Variants in RRAS2 observed in about 807,000 individuals in gnomAD.
RRAS2 encodes the protein RAS related 2, also known as ras-related protein R-Ras2.
In RRAS2, 7 loss-of-function variants were observed where a neutral mutation model predicts 27.6. The observed-to-expected ratio is 0.25, with a 90% CI of 0.14 to 0.48. RRAS2 has a LOEUF of 0.48. Among genes scored for constraint, RRAS2 ranks in the 20% least tolerant of loss-of-function variants. RRAS2 has a pLI of 0.99. For synonymous variants in RRAS2, 86 were observed against 90.9 expected, an observed-to-expected ratio of 0.95 and a Z score of 0.31; for missense variants, 178 against 256.2, an observed-to-expected ratio of 0.69 and a Z score of 2.08.
chr11:14,290,149 A>T (rs1185580065), intron 4 of RRAS2, among the ~76,000 whole-genome samples: 1 of 152,180 alleles, frequency 6.6e-6, no homozygotes, highest in Non-Finnish European at 1.5e-5. Context: ...TTGTGAAGAG[A>T]TGTTAAAAAG....
chr11:14,303,835 G>C (rs1308492226), intron 1 of RRAS2, among the ~76,000 whole-genome samples: 1 of 152,054 alleles, frequency 6.6e-6, no homozygotes, highest in African/African-American at 2.4e-5. Flanking sequence ...AAAAGCTATG[G>C]GGGTGTCAAA....
intron 1 of RRAS2, among the ~76,000 whole-genome samples, chr11:14,319,398 CCGGACTG>C (rs1291045378): frequency 5.4e-5 from 7 of 129,114 alleles, no homozygotes; most frequent in African/African-American, 2.0e-4. Flanking sequence ...GTCGCCCAGG[CCGGACTG>C]CGGACTGCAG....
chr11:14,290,738 C>A (rs1464434832), intron 4 of RRAS2, among the ~76,000 whole-genome samples: 3 of 152,184 alleles, frequency 2.0e-5, no homozygotes, highest in African/African-American at 7.2e-5. Flanking sequence ...ATTAGTGATA[C>A]TGACAGTGGC....
intron 1 of RRAS2, among the ~76,000 whole-genome samples, chr11:14,300,413 A>G (rs782767845): frequency 6.6e-5 from 10 of 152,178 alleles, no homozygotes; most frequent in African/African-American, 9.7e-5. Flanking sequence ...TCTACAAAAA[A>G]TAAATTAGCC....
chr11:14,298,444 T>C (rs1160747653), intron 1 of RRAS2, among the ~76,000 whole-genome samples: 2 of 152,246 alleles, frequency 1.3e-5, no homozygotes, highest in African/African-American at 4.8e-5. Flanking sequence ...ATATAAAAGA[T>C]TGTTGCAACT....
intron 1 of RRAS2, among the ~76,000 whole-genome samples, chr11:14,353,164 A>G (rs1223095890): frequency 2.0e-5 from 3 of 152,098 alleles, no homozygotes; most frequent in Non-Finnish European, 4.4e-5. Flanking sequence ...AAAGTTATCA[A>G]TTTATTTTCC....
chr11:14,279,396 AAGG>A lies in RRAS2; in HGVS notation c.553_555del (p.Pro185del), dbSNP rs782477338. 3.6e-5 allele frequency: 58 copies of A among 1,612,646 alleles called. No individual in the cohort carries two copies. The highest frequency in any genetic ancestry group is 4.7e-5 in the Non-Finnish European group (55 of 1,178,888). On this transcript the variant is annotated inframe_deletion, in exon 6 of 6. Coordinates refer to ENST00000256196, the MANE Select transcript of RRAS2 (RefSeq NM_012250.6). ...TTTTCTTTCCGTGTTGGTTCTGGTG[AAGG>A]AGGACATTCCTGCTCTTGAAATTTC... is the stretch of plus-strand genomic sequence containing the variant.
chr11:14,352,944 G>A (rs1274464432), intron 1 of RRAS2, among the ~76,000 whole-genome samples: 14 of 151,758 alleles, frequency 9.2e-5, no homozygotes, highest in African/African-American at 2.4e-4. Flanking sequence ...GATTGCAGGC[G>A]CCCGCCACCA....
At chr11:14,284,849 T>TA (rs1849620112) in intron 4 of RRAS2, among the ~76,000 whole-genome samples, 1 of 152,186 alleles carries the variant, frequency 6.6e-6, no homozygotes, top group African/African-American at 2.4e-5. Context: ...TGAAAATAAT[T>TA]AAAGTAGCTA....
chr11:14,339,159 G>A (rs1277905935), intron 1 of RRAS2, among the ~76,000 whole-genome samples: 3 of 151,508 alleles, frequency 2.0e-5, no homozygotes, highest in Non-Finnish European at 4.4e-5. Flanking sequence ...ATATCAGCTG[G>A]CCCGGGCTCA....
intron 1 of RRAS2, among the ~76,000 whole-genome samples, chr11:14,312,463 G>A (rs531871785): frequency 2.8e-4 from 43 of 152,134 alleles, no homozygotes; most frequent in East Asian, 7.7e-4. Context: ...TCTGTTGCCC[G>A]CACTGAAGTG....
intron 1 of RRAS2, among the ~76,000 whole-genome samples, chr11:14,310,189 T>C (rs981888004): frequency 6.6e-6 from 1 of 152,222 alleles, no homozygotes; most frequent in Admixed American, 6.5e-5. Flanking sequence ...GTACCATTTA[T>C]TGGGCTGCAA....
intron 1 of RRAS2, among the ~76,000 whole-genome samples, chr11:14,296,063 T>G (rs1463125603): frequency 6.6e-6 from 1 of 151,806 alleles, no homozygotes; most frequent in Non-Finnish European, 1.5e-5. Context: ...ACCTGTGGTC[T>G]CTGTTACTTG....
intron 4 of RRAS2, among the ~76,000 whole-genome samples, chr11:14,284,926 T>C (rs1554944844): frequency 6.6e-6 from 1 of 152,224 alleles, no homozygotes; most frequent in East Asian, 1.9e-4. Flanking sequence ...AGATTTCTTG[T>C]AGCATCTTGT....
At chr11:14,350,413 T>C (rs1325159796) in intron 1 of RRAS2, among the ~76,000 whole-genome samples, 6 of 152,174 alleles carry the variant, frequency 3.9e-5, no homozygotes, top group South Asian at 2.1e-4. Context: ...CCCCACTGGC[T>C]TGCTTCCTCT....
chr11:14,328,482 T>C (rs1263815229), intron 1 of RRAS2, among the ~76,000 whole-genome samples: 3 of 151,382 alleles, frequency 2.0e-5, no homozygotes, highest in Middle Eastern at 3.5e-3. Flanking sequence ...GCAAGAGCTA[T>C]AGTAAAATTT....
intron 1 of RRAS2, among the ~76,000 whole-genome samples, chr11:14,306,254 TTGAATGTAAGAGTACTATATTC>T (rs1564963423): frequency 7.8e-6 from 1 of 128,522 alleles, no homozygotes; most frequent in East Asian, 2.1e-4. Flanking sequence ...TATCTTATCA[TTGAATGTAAGAGTACTATATTC>T]TGGATATAAA....
chr11:14,305,909 G>A (rs1042872652), intron 1 of RRAS2, among the ~76,000 whole-genome samples: 11 of 151,970 alleles, frequency 7.2e-5, no homozygotes, highest in Admixed American at 5.9e-4. Flanking sequence ...GTCAGATGTG[G>A]TGGTGCGTAA....
intron 1 of RRAS2, among the ~76,000 whole-genome samples, chr11:14,312,703 G>A (rs1352337624): frequency 6.6e-6 from 1 of 152,182 alleles, no homozygotes; most frequent in Non-Finnish European, 1.5e-5. Flanking sequence ...TTACAGGTGT[G>A]AGCCACTGCA....
Sources: allele counts gnomAD v4.1 joint callset (sites outside exome capture counted in the v4.1 genomes callset), GRCh38; gene constraint gnomAD v4.1.1; transcripts MANE v1.5; gene names NCBI Gene and HGNC (gene_info 2026-07-23, HGNC 2026-07-21).